Variants in SMARCB1 observed in about 807,000 individuals in gnomAD.
The protein encoded by SMARCB1 is SWI/SNF-related matrix-associated actin-dependent regulator of chromatin subfamily B member 1.
A neutral mutation model predicts 49.0 loss-of-function variants in SMARCB1; 5 were observed. The observed-to-expected ratio is 0.10, with a 90% CI of 0.05 to 0.21. The LOEUF (loss-of-function observed/expected upper bound fraction) is 0.21, where lower values mean the gene tolerates loss of function less well. SMARCB1 is among the 10% of genes least tolerant of loss of function. The pLI, the probability that SMARCB1 is intolerant of heterozygous loss-of-function variation, is 1.00. For missense variants in SMARCB1, 226 were observed against 509.2 expected (o/e 0.44, Z 5.35); for synonymous variants, 201 against 200.1 (o/e 1.00, Z -0.04).
chr22:23,806,118 T>C (rs1929478744), intron 5 of SMARCB1, among the ~76,000 whole-genome samples: 1 of 152,220 alleles, frequency 6.6e-6, no homozygotes, highest in Non-Finnish European at 1.5e-5. Context: ...TCTGGGCCTT[T>C]TTAGAACCAG....
At chr22:23,827,580 T>C (rs1002309452) in intron 7 of SMARCB1, among the ~76,000 whole-genome samples, 16 of 152,226 alleles carry the variant, frequency 1.1e-4, no homozygotes, top group African/African-American at 3.1e-4. Context: ...CTCTCTCTTA[T>C]GCTGAGAATG....
intron 6 of SMARCB1, chr22:23,824,134 C>G (rs2030246908): frequency 6.6e-6 from 1 of 152,364 alleles, no homozygotes; most frequent in Admixed American, 6.5e-5. Flanking sequence ...GAAGAGCATT[C>G]TAGCAAGTGG....
intron 3 of SMARCB1, among the ~76,000 whole-genome samples, chr22:23,795,905 C>T (rs930449923): frequency 2.0e-5 from 3 of 151,030 alleles, no homozygotes; most frequent in Non-Finnish European, 4.4e-5. Flanking sequence ...ATTCTCTTGC[C>T]TCAGCCTCTG....
rs117846678 is a variant in SMARCB1, at chr22:23,837,147, C to T, written c.*2967C>T. On this transcript the variant is annotated 3_prime_UTR_variant, in exon 9 of 9. Transcript: ENST00000644036. ...CCAGGAAGTAGTAGATATGGCCCACCGCAATCCCTGTGAGACAGCCACGGA... is the reference window on the plus strand; with the variant it reads ...CCAGGAAGTAGTAGATATGGCCCACTGCAATCCCTGTGAGACAGCCACGGA... 3,795 of 1,613,928 alleles carry T rather than the reference C, an allele frequency of 2.4e-3. 9 individuals are homozygous for T. Among genetic ancestry groups the T allele is most frequent in the Non-Finnish European group, 2.8e-3 (3,348 of 1,179,898 alleles).
chr22:23,794,992 TATCTAGAATCTATAC>T (rs1928649747), intron 3 of SMARCB1, among the ~76,000 whole-genome samples: 1 of 152,206 alleles, frequency 6.6e-6, no homozygotes, highest in Non-Finnish European at 1.5e-5. Flanking sequence ...TACGATGTTG[TATCTAGAATCTATAC>T]ATCTAGATTT....
rs2145979048 is a variant in SMARCB1, at chr22:23,801,100, A to C, written c.500+19A>C. The C allele has an allele frequency of 1.2e-6, 2 of 1,613,994 alleles. No homozygotes were observed. Among genetic ancestry groups the C allele is most frequent in the South Asian group, 1.1e-5 (1 of 91,076 alleles). ...CCCTTTGGTGTGGATGCATCGCTGC[A>C]CTCACCCTCCGTGCTGATTCCGCCT... On this transcript the variant is annotated intron_variant, in intron 4 of 8. Transcript: ENST00000644036.
rs533099329 is a variant in SMARCB1, at chr22:23,799,512, G to GTTTTT, written c.363-1419_363-1415dup. Among the ~76,000 whole-genome samples the GTTTTT allele has an allele frequency of 3.7e-5, 4 of 107,850 alleles. 1 individual carries two copies. The highest frequency in any genetic ancestry group is 5.2e-5 in the Non-Finnish European group (3 of 57,226). The allele number at this position is 107,850 out of a possible 152,430, so 70.8% of individuals were successfully genotyped here. A position where few individuals can be genotyped will look rare whatever the true frequency, so the allele number is the denominator to read the frequency against. On this transcript the variant is annotated intron_variant, in intron 3 of 8. Transcript: ENST00000644036. The stretch of plus-strand genomic sequence containing the variant: ...AGGCTGGTTTCGAACTCACCTTTTG[G>GTTTTT]TTTTTTTTTTTTTTTTTGAGATGGA...
intron 3 of SMARCB1, among the ~76,000 whole-genome samples, chr22:23,798,899 A>C (rs1451666972): frequency 6.6e-6 from 1 of 151,584 alleles, no homozygotes; most frequent in Admixed American, 6.6e-5. Context: ...AAATCAAAAA[A>C]CTTAGCCGGG....
In SMARCB1 at chr22:23,834,327, C is replaced by A; in HGVS notation, c.*147C>A. 1 of 828,394 alleles carries A rather than the reference C, an allele frequency of 1.2e-6. No homozygotes were observed. The allele number at this position is 828,394 out of a possible 1,614,324, so 51.3% of individuals were successfully genotyped here. On this transcript the variant is annotated 3_prime_UTR_variant, in exon 9 of 9. Transcript: ENST00000644036. ...GTGGAGTGGGGGCTTCCAGGTGGCCCTTCCCGGCACACATTCCATTTGTTG... is the reference window on the plus strand; with the variant it reads ...GTGGAGTGGGGGCTTCCAGGTGGCCATTCCCGGCACACATTCCATTTGTTG...
In SMARCB1 at chr22:23,834,257, A is replaced by G; in HGVS notation, c.*77A>G. 1 of 1,468,896 alleles carries G rather than the reference A, an allele frequency of 6.8e-7. No homozygotes were observed. Among genetic ancestry groups the G allele is most frequent in the East Asian group, 2.5e-5 (1 of 40,578 alleles). The allele number at this position is 1,468,896 out of a possible 1,614,324, so 91.0% of individuals were successfully genotyped here. ...CTCTCCTCCATCTTCTGGCAAGGAC[A>G]GAGGCGAGGGGACAGCCCAGCGCCA... On this transcript the variant is annotated 3_prime_UTR_variant, in exon 9 of 9. Coordinates refer to ENST00000644036, the MANE Select transcript of SMARCB1 (RefSeq NM_003073.5).
chr22:23,819,745 G>A (rs6003893), intron 6 of SMARCB1, among the ~76,000 whole-genome samples: 9,679 of 69,938 alleles, frequency 0.14, 1,032 homozygotes, highest in African/African-American at 0.35. Flanking sequence ...TGCCTTTCTC[G>A]GTGGCTGCAC....
chr22:23,828,999 A>T (rs1385797383), intron 7 of SMARCB1, among the ~76,000 whole-genome samples: 2 of 152,190 alleles, frequency 1.3e-5, no homozygotes, highest in East Asian at 3.9e-4. Flanking sequence ...CTGGGACCAG[A>T]GTGACACAGG....
chr22:23,820,919 G>A (rs747992979), intron 6 of SMARCB1, among the ~76,000 whole-genome samples: 3 of 152,192 alleles, frequency 2.0e-5, no homozygotes, highest in Non-Finnish European at 4.4e-5. Context: ...ACCCAGCCAC[G>A]TGGTTCCAAA....
intron 1 of SMARCB1, among the ~76,000 whole-genome samples, chr22:23,789,666 A>G (rs1928251309): frequency 6.6e-6 from 1 of 152,166 alleles, no homozygotes; most frequent in African/African-American, 2.4e-5. Context: ...AGTAAGAATA[A>G]TCTTCCTGAG....
chr22:23,787,327 T>A, intron 1 of SMARCB1, 65 bp downstream of exon 1: 1 of 995,548 alleles, frequency 1.0e-6, no homozygotes, highest in Non-Finnish European at 1.5e-6. Context: ...GGCGGGCCCA[T>A]GCGCCGAGAG....
rs2031175125 is a variant in SMARCB1, at chr22:23,837,538, G to A, written c.*3358G>A. 7 of 1,057,314 alleles carry A rather than the reference G, an allele frequency of 6.6e-6. No individual in the cohort carries two copies. The highest frequency in any genetic ancestry group is 1.6e-5 in the African/African-American group (1 of 61,870). 65.5% of individuals were successfully genotyped at this position (1,057,314 alleles called of 1,614,324 possible). On this transcript the variant is annotated 3_prime_UTR_variant, in exon 9 of 9. Coordinates refer to ENST00000644036, the MANE Select transcript of SMARCB1 (RefSeq NM_003073.5). ...CAGCAGCTGGGAGGGCAGGAAGATG[G>A]GGATGGAGCCAGGTGTGAGGAGAAC... is the stretch of plus-strand genomic sequence containing the variant.
intron 4 of SMARCB1, chr22:23,801,470 A>G: frequency 2.0e-6 from 1 of 496,600 alleles, no homozygotes; most frequent in South Asian, 1.8e-5. Context: ...AACCACCACA[A>G]ACTGGTGGCT....
chr22:23,815,409 T>A (rs1369652719), intron 5 of SMARCB1: 1 of 152,040 alleles, frequency 6.6e-6, no homozygotes, highest in Admixed American at 6.6e-5. Context: ...TGGTGGCTGC[T>A]TGTAGTCCCA....
chr22:23,834,679 G>T lies in SMARCB1; in HGVS notation c.*499G>T, dbSNP rs2030892864. ...AAGTGGGCAGGTGGGGGTGAATGGG[G>T]CTCCGGGTAGCACCTCAGCTCCTCT... On this transcript the variant is annotated 3_prime_UTR_variant, in exon 9 of 9. Transcript: ENST00000644036. 2 of 1,171,550 alleles carry T rather than the reference G, an allele frequency of 1.7e-6. No individual in the cohort carries two copies. Among genetic ancestry groups the T allele is most frequent in the Non-Finnish European group, 2.4e-6 (2 of 844,494 alleles). 72.6% of individuals were successfully genotyped at this position (1,171,550 alleles called of 1,614,324 possible). A position where few individuals can be genotyped will look rare whatever the true frequency, so the allele number is the denominator to read the frequency against.
Sources: gnomAD v4.1 joint callset for allele counts (sites outside exome capture counted in the v4.1 genomes callset) on GRCh38, gnomAD v4.1.1 for gene constraint, MANE v1.5 for transcripts, NCBI Gene and HGNC (gene_info 2026-07-23, HGNC 2026-07-21) for gene names.